Variants in SQLE observed in about 807,000 individuals in gnomAD.
The protein encoded by SQLE is squalene monooxygenase.
In SQLE, 29 loss-of-function variants were observed where a neutral mutation model predicts 60.7. The observed-to-expected ratio is 0.48, with a 90% CI of 0.36 to 0.65. The LOEUF is 0.65. Among genes scored for constraint, SQLE ranks in the 30% least tolerant of loss-of-function variants. The pLI, the probability that SQLE is intolerant of heterozygous loss-of-function variation, is 0.00. For synonymous variants in SQLE, 237 were observed against 246.8 expected (o/e 0.96, Z 0.37); for missense variants, 605 against 684.1 (o/e 0.88, Z 1.29).
rs1412757735 is a variant in SQLE, at chr8:125,009,012, C to A, written c.864C>A (p.Phe288Leu). The stretch of plus-strand genomic sequence containing the variant: ...TGACTGTTGTTGCAGATGGGCTTTT[C>A]TCCAAGTTCAGGAAAAGCCTGGTCT... ...APLTVVADGL[F>L]SKFRKSLVSN... The change falls in exon 5 of 11, where the codon TTC (phenylalanine) becomes TTA (leucine). Residue 288 changes from phenylalanine to leucine, a missense_variant. Coordinates refer to ENST00000265896, the MANE Select transcript of SQLE (RefSeq NM_003129.4). The A allele has an allele frequency of 1.4e-5, 22 of 1,595,592 alleles. No homozygotes were observed. The highest frequency in any genetic ancestry group is 1.9e-5 in the Non-Finnish European group (22 of 1,173,602).
In SQLE at chr8:124,998,985, T is replaced by G. The variant is rs6995007; in HGVS notation, c.-419T>G. ...TCTGTGACCCTCCCTCCACTCCCAT[T>G]CCCTTCTGAAAGGGCACCTGCTCTT... is the stretch of plus-strand genomic sequence containing the variant. On this transcript the variant is annotated 5_prime_UTR_variant, in exon 1 of 11. The change creates a new upstream start codon in the 5' untranslated region. Coordinates refer to ENST00000265896, the MANE Select transcript of SQLE (RefSeq NM_003129.4). The G allele has an allele frequency of 0.033, 9,610 of 291,086 alleles. 857 individuals carry two copies. The highest frequency in any genetic ancestry group is 0.19 in the African/African-American group (8,660 of 46,208). 18.0% of individuals were successfully genotyped at this position (291,086 alleles called of 1,614,324 possible).
intron 1 of SQLE, chr8:124,999,957 G>A: frequency 3.1e-6 from 2 of 638,096 alleles, no homozygotes; most frequent in Middle Eastern, 4.9e-4. Flanking sequence ...GGAACGAAAT[G>A]TTAGAATTTC....
intron 9 of SQLE, chr8:125,018,996 A>G (rs949422553): frequency 2.7e-5 from 9 of 335,154 alleles, no homozygotes; most frequent in Admixed American, 5.1e-5. Flanking sequence ...AGACTAGATC[A>G]TGCTTGTCCT....
intron 4 of SQLE, among the ~76,000 whole-genome samples, chr8:125,008,200 C>G (rs1317480113): frequency 6.6e-6 from 1 of 152,158 alleles, no homozygotes; most frequent in Non-Finnish European, 1.5e-5. Flanking sequence ...AGCGATTCTC[C>G]TGCCTCAGCC....
At chr8:125,011,792 G>A (rs3750235) in intron 7 of SQLE, among the ~76,000 whole-genome samples, 160 bp downstream of exon 7, 48,414 of 144,516 alleles carry the variant, frequency 0.34, 9,281 homozygotes, top group African/African-American at 0.5. Context: ...CTATTTAGTT[G>A]TTAACATTGA....
At chr8:125,018,369 T>TA (rs1476609498) in intron 8 of SQLE, among the ~76,000 whole-genome samples, 168 bp downstream of exon 8, 6 of 152,212 alleles carry the variant, frequency 3.9e-5, no homozygotes, top group Non-Finnish European at 8.8e-5. Flanking sequence ...CTGTGAATCT[T>TA]AGAGAATTTC....
At chr8:125,015,426 T>C (rs1288921873) in intron 7 of SQLE, among the ~76,000 whole-genome samples, 1 of 152,208 alleles carries the variant, frequency 6.6e-6, no homozygotes, top group Admixed American at 6.5e-5. Flanking sequence ...ATTGCCATTT[T>C]GTTTTTGTTT....
At chr8:125,009,734 A>G (rs3793402) in intron 6 of SQLE, among the ~76,000 whole-genome samples, 52,379 of 151,756 alleles carry the variant, frequency 0.35, 9,889 homozygotes, top group Middle Eastern at 0.5. Context: ...CAGAGGTTGT[A>G]GTGAGCCGAG....
At chr8:125,008,199 C>G (rs11997328) in intron 4 of SQLE, among the ~76,000 whole-genome samples, 16,655 of 152,086 alleles carry the variant, frequency 0.11, 1,871 homozygotes, top group African/African-American at 0.29. Context: ...AAGCGATTCT[C>G]CTGCCTCAGC....
In SQLE at chr8:125,009,206, T is replaced by A. The variant is rs1204813506; in HGVS notation, c.971T>A (p.Leu324His). 1.1e-5 allele frequency: 17 copies of A among 1,612,796 alleles called. No individual in the cohort carries two copies. The highest frequency in any genetic ancestry group is 1.4e-5 in the Non-Finnish European group (17 of 1,179,462). The change falls in exon 6 of 11, where the codon CTT becomes CAT. Residue 324 changes from leucine to histidine, a missense_variant. Transcript: ENST00000265896. The part of the protein sequence containing the change: ...APQFKANHAE[L>H]ILANPSPVLI... ...CAGTTTAAAGCAAATCATGCTGAAC[T>A]TATTTTAGCTAACCCGAGTCCAGTT...
Position 124,999,436 on chromosome 8 carries a change from C to G in SQLE, c.33C>G (p.Thr11=). 2.0e-6 allele frequency: 3 copies of G among 1,525,264 alleles called. No homozygotes were observed. Among genetic ancestry groups the G allele is most frequent in the Non-Finnish European group, 2.6e-6 (3 of 1,135,728 alleles). 94.5% of individuals were successfully genotyped at this position (1,525,264 alleles called of 1,614,324 possible). Residue 11 remains threonine (T), a synonymous_variant, in exon 1 of 11, where the codon ACC becomes ACG. Coordinates refer to ENST00000265896, the MANE Select transcript of SQLE (RefSeq NM_003129.4). Reference sequence around the variant, plus strand: ...CTTTTCTGGGCATTGCCACTTTCACCTATTTTTATAAGAAGTTCGGGGACT... The same window carrying G: ...CTTTTCTGGGCATTGCCACTTTCACGTATTTTTATAAGAAGTTCGGGGACT... MWTFLGIATF[T]YFYKKFGDFI...
In SQLE at chr8:125,005,530, G is replaced by A; in HGVS notation, c.550G>A (p.Val184Met). The change falls in exon 3 of 11, where the codon GTG (valine) becomes ATG (methionine). Residue 184 changes from valine (V) to methionine (M), a missense_variant. By Grantham distance (21) the Val-to-Met change is conservative. Coordinates refer to ENST00000265896, the MANE Select transcript of SQLE (RefSeq NM_003129.4). ...TGAACTCGATTGCTTTGCAGATACA[G>A]TGGAAGGTCTTGATGCCCAGGTTGT... Reference protein sequence around the residue: ...VLKDLGLGDTVEGLDAQVVNG... With the variant: ...VLKDLGLGDTMEGLDAQVVNG... 1 of 1,593,728 alleles carries A rather than the reference G, an allele frequency of 6.3e-7. No homozygotes were observed. The highest frequency in any genetic ancestry group is 8.6e-7 in the Non-Finnish European group (1 of 1,166,910).
chr8:125,009,263 G>C lies in SQLE; in HGVS notation c.1028G>C (p.Arg343Pro), dbSNP rs1815004158. The change falls in exon 6 of 11, where the codon CGA (arginine) becomes CCA (proline). Residue 343 changes from arginine (R) to proline (P), a missense_variant. By Grantham distance (103) the Arg-to-Pro change is moderately radical (BLOSUM62 -2). Transcript: ENST00000265896. Reference protein sequence around the residue: ...LIYQISSSETRVLVDIRGEMP... With the variant: ...LIYQISSSETPVLVDIRGEMP... ...TACCAGATTTCATCCAGTGAAACTC[G>C]AGTACTTGTTGACATTAGAGGAGAA... 1.9e-5 allele frequency: 31 copies of C among 1,613,814 alleles called. No individual in the cohort carries two copies. Among genetic ancestry groups the C allele is most frequent in the Non-Finnish European group, 2.6e-5 (31 of 1,179,886 alleles).
intron 4 of SQLE, 93 bp downstream of exon 4, chr8:125,007,580 A>T (rs1329756564): frequency 2.8e-6 from 2 of 724,820 alleles, no homozygotes. Flanking sequence ...ACCGGTTTAC[A>T]TGTTGAGTAT....
At chr8:125,003,151 A>T (rs745412362) in intron 1 of SQLE, 25 bp from the exon 2 acceptor site, 1 of 1,555,042 alleles carries the variant, frequency 6.4e-7, no homozygotes, top group East Asian at 2.3e-5. Flanking sequence ...TTGGATACCT[A>T]GTTTACCTTT....
intron 10 of SQLE, among the ~76,000 whole-genome samples, chr8:125,021,309 G>T (rs1033616129): frequency 6.6e-6 from 1 of 152,082 alleles, no homozygotes; most frequent in African/African-American, 2.4e-5. Flanking sequence ...TTTCTCATTT[G>T]CAAAGTGATC....
At chr8:125,002,523 C>A (rs1814871123) in intron 1 of SQLE, among the ~76,000 whole-genome samples, 1 of 152,058 alleles carries the variant, frequency 6.6e-6, no homozygotes, top group South Asian at 2.1e-4. Flanking sequence ...ACTAAAAATA[C>A]AAAATTAGCC....
chr8:124,999,862 C>T (rs1814813772), intron 1 of SQLE, 168 bp downstream of exon 1: 2 of 896,128 alleles, frequency 2.2e-6, no homozygotes, highest in Non-Finnish European at 3.4e-6. Context: ...ACATCTTTGA[C>T]CTTCTTAAGA....
chr8:125,015,269 T>C (rs1373187509), intron 7 of SQLE, among the ~76,000 whole-genome samples: 1 of 152,228 alleles, frequency 6.6e-6, no homozygotes, highest in Non-Finnish European at 1.5e-5. Flanking sequence ...CCCTTCATTT[T>C]CAGTCTCTTT....
Sources: gnomAD v4.1 joint callset for allele counts (sites outside exome capture counted in the v4.1 genomes callset) on GRCh38, gnomAD v4.1.1 for gene constraint, MANE v1.5 for transcripts, NCBI Gene and HGNC (gene_info 2026-07-23, HGNC 2026-07-21) for gene names.